The following RIMS2 variants were observed in gnomAD, a reference collection of about 807,000 sequenced individuals.
RIMS2 encodes regulating synaptic membrane exocytosis protein 2.
RIMS2 carries 59 observed loss-of-function variants against 174.4 expected under a neutral mutation model. The observed-to-expected ratio is 0.34, with a 90% confidence interval of 0.27 to 0.42. The LOEUF (loss-of-function observed/expected upper bound fraction) is 0.42. Among genes scored for constraint, RIMS2 ranks in the 10% least tolerant of loss-of-function variants. The pLI is 1.00. For missense variants in RIMS2, 1,620 were observed against 1,666.3 expected (o/e 0.97, Z 0.48); for synonymous variants, 606 against 572.5 (o/e 1.06, Z -0.84).
intron 19 of RIMS2, among the ~76,000 whole-genome samples, chr8:104,118,370 G>GTTTTTTTTT (rs113018786): frequency 2.2e-5 from 3 of 136,486 alleles, no homozygotes; most frequent in Non-Finnish European, 4.7e-5. Context: ...TTGTTTTTTT[G>GTTTTTTTTT]TTTTTTTTTT....
chr8:103,957,445 A>G (rs1406572152), intron 14 of RIMS2, among the ~76,000 whole-genome samples: 1 of 152,252 alleles, frequency 6.6e-6, no homozygotes, highest in Non-Finnish European at 1.5e-5. Flanking sequence ...GGATGAGTTC[A>G]TGTCCTTTGC....
intron 20 of RIMS2, among the ~76,000 whole-genome samples, chr8:104,246,039 A>C (rs879624919): frequency 6.6e-6 from 1 of 152,252 alleles, no homozygotes; most frequent in Non-Finnish European, 1.5e-5. Context: ...CTGAAAAGTG[A>C]ATGTGCACTG....
At chr8:103,917,037 T>TTATAATGCCTATGCATTAAA (rs1236201081) in intron 8 of RIMS2, among the ~76,000 whole-genome samples, 2 of 152,188 alleles carry the variant, frequency 1.3e-5, no homozygotes, top group Non-Finnish European at 2.9e-5. Context: ...TACCTCTGTT[T>TTATAATGCCTATGCATTAAA]TATAATGCCT....
chr8:104,040,031 G>T (rs183111417), intron 19 of RIMS2, among the ~76,000 whole-genome samples: 9 of 151,336 alleles, frequency 5.9e-5, no homozygotes, highest in South Asian at 4.2e-4. Flanking sequence ...AAGATTTCTG[G>T]TTTTTTCCTA....
At chr8:103,577,197 A>G (rs2093312725) in intron 1 of RIMS2, among the ~76,000 whole-genome samples, 1 of 152,248 alleles carries the variant, frequency 6.6e-6, no homozygotes, top group Middle Eastern at 3.2e-3. Context: ...GCTAATATCT[A>G]GAATCTACAA....
intron 19 of RIMS2, among the ~76,000 whole-genome samples, chr8:104,056,197 G>T (rs545979424): frequency 2.9e-4 from 44 of 152,194 alleles, no homozygotes; most frequent in Non-Finnish European, 6.2e-4. Flanking sequence ...GAGGTCAGGA[G>T]ATCAAGACCA....
intron 3 of RIMS2, among the ~76,000 whole-genome samples, chr8:103,804,881 C>T (rs1490744501): frequency 6.6e-6 from 1 of 152,044 alleles, no homozygotes; most frequent in Non-Finnish European, 1.5e-5. Context: ...ACTGCAACCC[C>T]TAGCCCCTGA....
At chr8:103,844,364 T>C (rs1216877936) in intron 3 of RIMS2, among the ~76,000 whole-genome samples, 2 of 152,216 alleles carry the variant, frequency 1.3e-5, no homozygotes, top group African/African-American at 4.8e-5. Context: ...GAAAATATTG[T>C]AGTCAGTTTA....
chr8:103,539,415 G>A (rs1432301712), intron 1 of RIMS2, among the ~76,000 whole-genome samples: 1 of 152,020 alleles, frequency 6.6e-6, no homozygotes, highest in African/African-American at 2.4e-5. Context: ...GGCCTGAGAG[G>A]GCTCAAGGGC....
intron 1 of RIMS2, among the ~76,000 whole-genome samples, chr8:103,518,230 A>G (rs1304161468): frequency 6.6e-6 from 1 of 152,118 alleles, no homozygotes; most frequent in Non-Finnish European, 1.5e-5. Context: ...TTTGTAAGTT[A>G]TTAGAATGAC....
At chr8:104,029,531 C>T (rs1267540713) in intron 19 of RIMS2, among the ~76,000 whole-genome samples, 1 of 152,112 alleles carries the variant, frequency 6.6e-6, no homozygotes, top group Non-Finnish European at 1.5e-5. Flanking sequence ...TTGTCTTAAG[C>T]TGATATTCAT....
intron 3 of RIMS2, among the ~76,000 whole-genome samples, chr8:103,865,035 A>G (rs528821489): frequency 6.6e-6 from 1 of 152,074 alleles, no homozygotes; most frequent in Non-Finnish European, 1.5e-5. Flanking sequence ...CGCTTCCCAA[A>G]CTATTTCCCT....
chr8:104,183,765 A>G (rs1405192862), intron 19 of RIMS2, among the ~76,000 whole-genome samples: 2 of 151,602 alleles, frequency 1.3e-5, no homozygotes, highest in Admixed American at 1.3e-4. Context: ...TTTTGTCATA[A>G]CTGTTTGAGG....
chr8:103,766,306 C>G (rs2098170551), exon 3 of RIMS2: 2 of 1,613,144 alleles, frequency 1.2e-6, no homozygotes, highest in East Asian at 2.2e-5. Flanking sequence ...AATAGTGGAT[C>G]TAATACACCA....
chr8:103,587,405 A>AGAAG (rs2133128850), intron 1 of RIMS2, among the ~76,000 whole-genome samples: 1 of 143,902 alleles, frequency 6.9e-6, no homozygotes, highest in African/African-American at 2.6e-5. Context: ...TCAGGAAGAA[A>AGAAG]AAAGAAGAAA....
At chr8:104,147,341 A>G (rs1384680668) in intron 19 of RIMS2, among the ~76,000 whole-genome samples, 1 of 152,018 alleles carries the variant, frequency 6.6e-6, no homozygotes, top group Non-Finnish European at 1.5e-5. Flanking sequence ...ATAATAGTAT[A>G]CTTCACTATA....
At chr8:103,545,620 T>G (rs575439557) in intron 1 of RIMS2, among the ~76,000 whole-genome samples, 4 of 152,164 alleles carry the variant, frequency 2.6e-5, no homozygotes, top group African/African-American at 4.8e-5. Context: ...TAAAGACAGC[T>G]AGAGAGAAGG....
At chr8:103,994,152 T>A (rs992621654) in intron 17 of RIMS2, among the ~76,000 whole-genome samples, 1 of 152,106 alleles carries the variant, frequency 6.6e-6, no homozygotes, top group Non-Finnish European at 1.5e-5. Flanking sequence ...TATCTCCCAT[T>A]TTTGCAGTTC....
chr8:103,777,561 T>G (rs1205284933), intron 3 of RIMS2, among the ~76,000 whole-genome samples: 1 of 152,008 alleles, frequency 6.6e-6, no homozygotes, highest in Non-Finnish European at 1.5e-5. Flanking sequence ...AAAAGCTATT[T>G]TATTTAAGTA....
Sources: gnomAD v4.1 joint callset for allele counts (sites outside exome capture counted in the v4.1 genomes callset) on GRCh38, gnomAD v4.1.1 for gene constraint, MANE v1.5 for transcripts, NCBI Gene and HGNC (gene_info 2026-07-23, HGNC 2026-07-21) for gene names.